The following ZNF83 variants were observed in gnomAD, a reference collection of about 807,000 sequenced individuals.
The protein encoded by ZNF83 is zinc finger protein 83, also known as zinc finger protein 816B.
For missense variants in ZNF83, 552 were observed against 629.9 expected (o/e 0.88, Z 1.32); for synonymous variants, 209 against 213.0 (o/e 0.98, Z 0.17).
In ZNF83 at chr19:52,614,245, T is replaced by C. The variant is rs756878414; in HGVS notation, c.320A>G (p.His107Arg). The C allele has an allele frequency of 1.9e-6, 3 of 1,614,028 alleles. No homozygotes were observed. In the African/African-American group the frequency reaches 4.0e-5, roughly 22 times the overall value. ...ATGGATTATTTGATGTATAGTAAAATGTAAGCCTTGATGAAAGGCCTTGCC... is the reference window on the plus strand; with the variant it reads ...ATGGATTATTTGATGTATAGTAAAACGTAAGCCTTGATGAAAGGCCTTGCC... The change falls in exon 3 of 3, where the codon CAT (histidine) becomes CGT (arginine). Residue 107 changes from histidine (H) to arginine (R), a missense_variant. Transcript: ENST00000301096.
upstream of ZNF83, among the ~76,000 whole-genome samples, chr19:52,642,840 G>A (rs1281635660): frequency 3.9e-5 from 6 of 152,072 alleles, no homozygotes; most frequent in Admixed American, 3.3e-4. Context: ...GGTCAACATG[G>A]TGAAACCCTG....
chr19:52,642,406 T>C (rs911556022), upstream of ZNF83, among the ~76,000 whole-genome samples: 5 of 151,538 alleles, frequency 3.3e-5, no homozygotes, highest in Admixed American at 3.3e-4. Flanking sequence ...GTAGCTGGGA[T>C]TATAGGCAGG....
At chr19:52,663,730 A>C (rs2061609108) in intron 1 of ZNF83, among the ~76,000 whole-genome samples, 1 of 152,256 alleles carries the variant, frequency 6.6e-6, no homozygotes, top group African/African-American at 2.4e-5. Flanking sequence ...AACACAATAA[A>C]TTTCAGAGAA....
chr19:52,627,191 C>A (rs1348413925), intron 2 of ZNF83, among the ~76,000 whole-genome samples: 1 of 141,082 alleles, frequency 7.1e-6, no homozygotes, highest in Non-Finnish European at 1.5e-5. Context: ...ATAAAACTGC[C>A]CCACCCCATC....
intron 1 of ZNF83, 127 bp downstream of exon 1, chr19:52,638,185 A>T (rs1420073873): frequency 6.6e-6 from 1 of 152,358 alleles, no homozygotes; most frequent in East Asian, 1.9e-4. Flanking sequence ...TCTCATGGGG[A>T]CGTCTCAATT....
intron 1 of ZNF83, among the ~76,000 whole-genome samples, chr19:52,689,220 T>A (rs1415334041): frequency 6.6e-6 from 1 of 152,200 alleles, no homozygotes; most frequent in Non-Finnish European, 1.5e-5. Context: ...GTGCTCAGCT[T>A]TTTGGATATG....
chr19:52,665,410 GA>G (rs11357330), intron 1 of ZNF83, among the ~76,000 whole-genome samples: 16,141 of 151,380 alleles, frequency 0.11, 955 homozygotes, highest in African/African-American at 0.15. Flanking sequence ...GTCTCAATAA[GA>G]AAAAAAGTGA....
rs574861984 is a variant in ZNF83, at chr19:52,677,343, G to A, written c.-283+13100C>T. On this transcript the variant is annotated intron_variant, in intron 1 of 5. Coordinates refer to the ZNF83 transcript ENST00000594682. ...AAAAAAAAAAAAACAAAAATTAGCC[G>A]GGTGTGGTGGTGCATGCCTGTAATC... Among the ~76,000 whole-genome samples the A allele has an allele frequency of 4.9e-3, 735 of 150,528 alleles. 9 individuals are homozygous for A. Among genetic ancestry groups the A allele is most frequent in the African/African-American group, 0.016 (649 of 41,148 alleles).
chr19:52,672,911 A>T (rs2061745556), intron 1 of ZNF83, among the ~76,000 whole-genome samples: 1 of 152,230 alleles, frequency 6.6e-6, no homozygotes, highest in South Asian at 2.1e-4. Context: ...ATTAATAAAT[A>T]GAACATGATA....
intron 1 of ZNF83, among the ~76,000 whole-genome samples, chr19:52,666,199 GAGAGAGAGAGAAAGAGACAGAGAGACAAA>G (rs2061650423): frequency 6.7e-6 from 1 of 149,438 alleles, no homozygotes; most frequent in African/African-American, 2.5e-5. Context: ...GAGAGTCAAA[GAGAGAGAGAGAAAGAGACAGAGAGACAAA>G]AAGGGAGTCA....
intron 3 of ZNF83, among the ~76,000 whole-genome samples, chr19:52,644,179 CTTT>C (rs35109145): frequency 2.0e-5 from 3 of 147,484 alleles, no homozygotes; most frequent in Non-Finnish European, 1.5e-5. Context: ...TTCCATTCTT[CTTT>C]TTTTTTTTTT....
At chr19:52,671,131 A>G (rs140336731) in intron 1 of ZNF83, among the ~76,000 whole-genome samples, 135 of 152,318 alleles carry the variant, frequency 8.9e-4, no homozygotes, top group African/African-American at 3.1e-3. Flanking sequence ...ACCATTTCAA[A>G]ATATGGCACA....
At chr19:52,680,614 T>A (rs1260213141) in intron 1 of ZNF83, among the ~76,000 whole-genome samples, 2 of 140,278 alleles carry the variant, frequency 1.4e-5, no homozygotes, top group Non-Finnish European at 3.1e-5. Context: ...ATATTTTTTT[T>A]TTTTTTTTTT....
At chr19:52,688,437 G>T (rs1568589753) in intron 1 of ZNF83, among the ~76,000 whole-genome samples, 1 of 151,480 alleles carries the variant, frequency 6.6e-6, no homozygotes, top group Admixed American at 6.6e-5. Flanking sequence ...GTCTTCTAAA[G>T]TTCTGGGATT....
upstream of ZNF83, among the ~76,000 whole-genome samples, chr19:52,639,653 A>G (rs1345490868): frequency 6.6e-6 from 1 of 151,896 alleles, no homozygotes; most frequent in Non-Finnish European, 1.5e-5. Flanking sequence ...TCTGACTTCA[A>G]GTGATCTGAC....
intron 2 of ZNF83, among the ~76,000 whole-genome samples, chr19:52,631,120 C>A (rs2060941592): frequency 1.8e-5 from 2 of 109,974 alleles, no homozygotes; most frequent in African/African-American, 6.7e-5. Context: ...AGCAAATTAC[C>A]TGGGGCTGTA....
At position 52,618,682 on chromosome 19, in the gene ZNF83, T is replaced by C. The variant is rs570297098; in HGVS notation, c.-233-3885A>G. Reference sequence around the variant, plus strand: ...AAAGTGCTGGGATTACAGGCATGAGTCACCACGCCTTGCCAGCCATAAGGT... The same window carrying C: ...AAAGTGCTGGGATTACAGGCATGAGCCACCACGCCTTGCCAGCCATAAGGT... On this transcript the variant is annotated intron_variant, in intron 2 of 2. Transcript: ENST00000301096. The C allele has an allele frequency of 4.5e-4, 275 of 615,754 alleles. 1 individual carries two copies. The South Asian group carries it at 5.1e-3, about 11-fold the overall frequency. The allele number at this position is 615,754 out of a possible 1,614,324, so 38.1% of individuals were successfully genotyped here.
rs539093185 is a variant in ZNF83, at chr19:52,655,500, C to T, written c.-74+61G>A. On this transcript the variant is annotated intron_variant, in intron 3 of 5. Coordinates refer to the ZNF83 transcript ENST00000594682. ...CAAAATCACAAAAGAGAATACAAAA[C>T]CAGGAAGAGCCAAGATAGACAAGGG... 23 of 1,384,770 alleles carry T rather than the reference C, an allele frequency of 1.7e-5. No individual in the cohort carries two copies. In the South Asian group the frequency reaches 2.3e-4, roughly 14 times the overall value. The allele number at this position is 1,384,770 out of a possible 1,614,324, so 85.8% of individuals were successfully genotyped here. A position where few individuals can be genotyped will look rare whatever the true frequency, so the allele number is the denominator to read the frequency against.
intron 2 of ZNF83, among the ~76,000 whole-genome samples, chr19:52,623,642 G>A (rs1741825048): frequency 6.6e-6 from 1 of 151,862 alleles, no homozygotes; most frequent in African/African-American, 2.4e-5. Flanking sequence ...TTAACCCACA[G>A]GTATGGGACA....
Sources: gnomAD v4.1 joint callset for allele counts (sites outside exome capture counted in the v4.1 genomes callset) on GRCh38, gnomAD v4.1.1 for gene constraint, MANE v1.5 for transcripts, NCBI Gene and HGNC (gene_info 2026-07-23, HGNC 2026-07-21) for gene names.